The following FLRT2 variants were observed in gnomAD, a reference collection of about 807,000 sequenced individuals.
FLRT2 encodes fibronectin leucine rich transmembrane protein 2, also known as leucine-rich repeat transmembrane protein FLRT2.
FLRT2 carries 15 observed loss-of-function variants against 40.0 expected under a neutral mutation model. That is an observed-to-expected ratio of 0.38 (90% CI 0.25 to 0.58). The LOEUF is 0.58. Ranked by LOEUF, FLRT2 falls within the 20% of genes least tolerant of loss-of-function variation. The pLI is 0.71. For missense variants in FLRT2, 726 were observed against 840.0 expected, an observed-to-expected ratio of 0.86 and a Z score of 1.68; for synonymous variants, 380 against 336.8, an observed-to-expected ratio of 1.13 and a Z score of -1.41.
At chr14:85,551,876 C>T (rs1889648937) in intron 1 of FLRT2, 1 of 152,130 alleles carries the variant, frequency 6.6e-6, no homozygotes, top group Non-Finnish European at 1.5e-5. Flanking sequence ...ACTTCTATAT[C>T]TCCTGTGGTA....
At chr14:85,566,194 A>C (rs913597820) in intron 1 of FLRT2, among the ~76,000 whole-genome samples, 1 of 152,174 alleles carries the variant, frequency 6.6e-6, no homozygotes, top group African/African-American at 2.4e-5. Context: ...ATCAGGAGAC[A>C]AAACAGATTC....
Position 85,651,972 on chromosome 14 carries a change from A to G in FLRT2, c.*28475A>G, listed in dbSNP as rs1227119347. The G allele has an allele frequency of 1.3e-5, 2 of 152,094 alleles. No homozygotes were observed. Among genetic ancestry groups the G allele is most frequent in the Non-Finnish European group, 2.9e-5 (2 of 67,970 alleles). 9.4% of individuals were successfully genotyped at this position (152,094 alleles called of 1,614,324 possible). On this transcript the variant is annotated 3_prime_UTR_variant, in exon 2 of 2. Coordinates refer to ENST00000330753, the MANE Select transcript of FLRT2 (RefSeq NM_013231.6). The stretch of plus-strand genomic sequence containing the variant: ...TTCCCACTAGGGCTGGGGCTAATGG[A>G]AAATACATCTTAAAAAGTCTTCTGT...
chr14:85,558,967 C>G (rs1950178), intron 1 of FLRT2, among the ~76,000 whole-genome samples: 115,961 of 152,144 alleles, frequency 0.76, 44,637 homozygotes, highest in Non-Finnish European at 0.81. Context: ...GCTTCCTAAA[C>G]GTTTAGTGTT....
At chr14:85,574,672 G>C (rs1891047204) in intron 1 of FLRT2, among the ~76,000 whole-genome samples, 1 of 151,926 alleles carries the variant, frequency 6.6e-6, no homozygotes, top group East Asian at 1.9e-4. Flanking sequence ...AGAGTGTTAA[G>C]GAATTTAACC....
chr14:85,615,623 A>G (rs1009733730), intron 1 of FLRT2, among the ~76,000 whole-genome samples: 3 of 84,776 alleles, frequency 3.5e-5, no homozygotes, highest in African/African-American at 1.2e-4. Flanking sequence ...GTTTCAGGCT[A>G]CGGGGTGGCT....
intron 1 of FLRT2, among the ~76,000 whole-genome samples, chr14:85,616,046 G>T (rs181219060): frequency 1.6e-4 from 24 of 152,290 alleles, no homozygotes; most frequent in Admixed American, 5.2e-4. Context: ...CCTATGAAAA[G>T]AGTTAAATTA....
chr14:85,615,238 A>G (rs1424327201), intron 1 of FLRT2, among the ~76,000 whole-genome samples: 1 of 152,192 alleles, frequency 6.6e-6, no homozygotes, highest in South Asian at 2.1e-4. Flanking sequence ...AGCAGTAGTG[A>G]AAGTGTCTTC....
chr14:85,578,829 AGAG>A (rs1156945511), intron 1 of FLRT2, among the ~76,000 whole-genome samples: 4 of 152,160 alleles, frequency 2.6e-5, no homozygotes, highest in African/African-American at 7.2e-5. Flanking sequence ...CCTTGTCATG[AGAG>A]GAGTTAACTG....
chr14:85,541,234 G>T (rs193143440), intron 1 of FLRT2, among the ~76,000 whole-genome samples: 2 of 152,268 alleles, frequency 1.3e-5, no homozygotes, highest in African/African-American at 4.8e-5. Context: ...TCTTATGGAG[G>T]TTTCACCAAA....
intron 1 of FLRT2, among the ~76,000 whole-genome samples, chr14:85,535,903 T>TG (rs1888619949): frequency 1.3e-5 from 1 of 76,300 alleles, no homozygotes; most frequent in Non-Finnish European, 2.5e-5. Context: ...TTTTTTTTTT[T>TG]TTTTTTTTTT....
chr14:85,543,095 A>C (rs1202958758), intron 1 of FLRT2, among the ~76,000 whole-genome samples: 1 of 152,206 alleles, frequency 6.6e-6, no homozygotes, highest in Non-Finnish European at 1.5e-5. Flanking sequence ...TTTAGAGTTT[A>C]TTGTAACCTT....
chr14:85,612,666 C>A (rs1167509689), intron 1 of FLRT2, among the ~76,000 whole-genome samples: 5 of 152,192 alleles, frequency 3.3e-5, no homozygotes, highest in African/African-American at 1.2e-4. Context: ...GTCTCCTGAA[C>A]ATAGCCTGAC....
chr14:85,606,756 C>A (rs2753617), intron 1 of FLRT2, among the ~76,000 whole-genome samples: 120 of 150,522 alleles, frequency 8.0e-4, no homozygotes, highest in Non-Finnish European at 3.2e-4. Flanking sequence ...ATCTCCTGAC[C>A]TCGTCATCTG....
In FLRT2 at chr14:85,646,269, G is replaced by C. The variant is rs997659041; in HGVS notation, c.*22772G>C. On this transcript the variant is annotated 3_prime_UTR_variant, in exon 2 of 2. Coordinates refer to ENST00000330753, the MANE Select transcript of FLRT2 (RefSeq NM_013231.6). ...GATGAAGCTGTAATTGGAAGTTGAG[G>C]ACACTGTCATTCAGAATAAGATGTA... 2.0e-5 allele frequency: 3 copies of C among 152,162 alleles called. No individual in the cohort carries two copies. The highest frequency in any genetic ancestry group is 7.2e-5 in the African/African-American group (3 of 41,436). 9.4% of individuals were successfully genotyped at this position (152,162 alleles called of 1,614,324 possible).
At chr14:85,609,096 A>T (rs1892750673) in intron 1 of FLRT2, among the ~76,000 whole-genome samples, 1 of 152,140 alleles carries the variant, frequency 6.6e-6, no homozygotes, top group Non-Finnish European at 1.5e-5. Context: ...GAGGCTTTGC[A>T]CACAGACACC....
At chr14:85,610,500 G>A (rs1892810956) in intron 1 of FLRT2, among the ~76,000 whole-genome samples, 2 of 152,162 alleles carry the variant, frequency 1.3e-5, no homozygotes, top group South Asian at 4.1e-4. Context: ...GATTACCAAA[G>A]CCATAAAGAT....
At chr14:85,557,270 C>A (rs1890029622) in intron 1 of FLRT2, among the ~76,000 whole-genome samples, 1 of 150,442 alleles carries the variant, frequency 6.6e-6, no homozygotes. Context: ...TTTTCTGAAG[C>A]TTTTTTTAAT....
chr14:85,578,646 G>A (rs1175708124), intron 1 of FLRT2, among the ~76,000 whole-genome samples: 4 of 152,122 alleles, frequency 2.6e-5, no homozygotes, highest in Non-Finnish European at 2.9e-5. Context: ...GGAGATACGG[G>A]TTGAGTGATA....
intron 1 of FLRT2, among the ~76,000 whole-genome samples, chr14:85,604,642 G>GT (rs1479714626): frequency 6.6e-6 from 1 of 152,030 alleles, no homozygotes; most frequent in East Asian, 1.9e-4. Context: ...GCCTAGGACT[G>GT]TTTTTAAAAC....
Sources: gnomAD v4.1 joint callset for allele counts (sites outside exome capture counted in the v4.1 genomes callset) on GRCh38, gnomAD v4.1.1 for gene constraint, MANE v1.5 for transcripts, NCBI Gene and HGNC (gene_info 2026-07-23, HGNC 2026-07-21) for gene names.